Variants in CNTN5 observed in about 807,000 individuals in gnomAD.
CNTN5 encodes the protein contactin-5.
CNTN5 carries 77 observed loss-of-function variants against 129.1 expected under a neutral mutation model. That is an observed-to-expected ratio of 0.60 (90% CI 0.50 to 0.72). CNTN5 has a LOEUF of 0.72. Among genes scored for constraint, CNTN5 ranks in the 30% least tolerant of loss-of-function variants. The pLI, the probability that CNTN5 is intolerant of heterozygous loss-of-function variation, is 0.00. For missense variants in CNTN5, 1,478 were observed against 1,328.8 expected (o/e 1.11, Z -1.75); for synonymous variants, 509 against 465.6 (o/e 1.09, Z -1.20).
intron 9 of CNTN5, among the ~76,000 whole-genome samples, chr11:100,018,570 C>G (rs1314416268): frequency 6.6e-6 from 1 of 151,866 alleles, no homozygotes. Context: ...CATCTGTGCA[C>G]CTGTTGATAG....
chr11:99,338,984 T>TAA (rs1316682623), intron 2 of CNTN5, among the ~76,000 whole-genome samples: 2 of 134,262 alleles, frequency 1.5e-5, no homozygotes, highest in Non-Finnish European at 1.6e-5. Context: ...TGTGTGTGTA[T>TAA]ATATATATAT....
chr11:100,064,184 CAGTATTCATGT>C (rs1283708504), intron 10 of CNTN5, among the ~76,000 whole-genome samples: 1 of 152,134 alleles, frequency 6.6e-6, no homozygotes, highest in Admixed American at 6.6e-5. Flanking sequence ...TCCAAACAGT[CAGTATTCATGT>C]AGTACTGAAA....
intron 6 of CNTN5, among the ~76,000 whole-genome samples, chr11:99,902,618 G>T (rs1264693305): frequency 1.3e-5 from 2 of 152,042 alleles, no homozygotes; most frequent in African/African-American, 4.8e-5. Context: ...AGTACATTGG[G>T]CTGATGCTTC....
intron 2 of CNTN5, among the ~76,000 whole-genome samples, chr11:99,407,737 T>G (rs72989808): frequency 6.6e-6 from 1 of 152,310 alleles, no homozygotes; most frequent in Non-Finnish European, 1.5e-5. Flanking sequence ...ATTCAAGTTC[T>G]GACTGTTAGA....
chr11:100,354,500 A>G (rs1952482974), intron 24 of CNTN5, among the ~76,000 whole-genome samples: 2 of 151,790 alleles, frequency 1.3e-5, no homozygotes, highest in South Asian at 2.1e-4. Flanking sequence ...TTGGCATGAG[A>G]ACCTAGAATT....
intron 1 of CNTN5, among the ~76,000 whole-genome samples, chr11:99,262,741 C>T (rs1323151615): frequency 4.0e-5 from 6 of 151,282 alleles, no homozygotes; most frequent in Non-Finnish European, 5.9e-5. Flanking sequence ...TTTTTAAGGG[C>T]CCCTCTTAAT....
intron 18 of CNTN5, among the ~76,000 whole-genome samples, chr11:100,275,647 C>A (rs755227328): frequency 3.9e-5 from 6 of 152,182 alleles, no homozygotes; most frequent in Non-Finnish European, 8.8e-5. Flanking sequence ...AAAAGAATTT[C>A]TATTTCTGCA....
chr11:100,161,869 ACAC>A (rs1947463477), intron 13 of CNTN5, among the ~76,000 whole-genome samples: 1 of 148,052 alleles, frequency 6.8e-6, no homozygotes, highest in African/African-American at 2.5e-5. Flanking sequence ...ACACACACAC[ACAC>A]AAAACAAAAA....
chr11:99,272,553 A>T (rs1863225497), intron 1 of CNTN5, among the ~76,000 whole-genome samples: 1 of 151,702 alleles, frequency 6.6e-6, no homozygotes, highest in Admixed American at 6.6e-5. Flanking sequence ...AAAAATAATT[A>T]TTTTTACTTA....
At chr11:100,063,015 T>A (rs1183098893) in intron 10 of CNTN5, among the ~76,000 whole-genome samples, 1 of 152,128 alleles carries the variant, frequency 6.6e-6, no homozygotes, top group East Asian at 1.9e-4. Context: ...GAACCGGAAC[T>A]TTACTACTGA....
chr11:99,408,448 G>GAAAGAAAGAAAGAAAGAAAGAGAC, intron 2 of CNTN5, among the ~76,000 whole-genome samples: 1 of 78,132 alleles, frequency 1.3e-5, no homozygotes, highest in Admixed American at 1.4e-4. Flanking sequence ...AAGAAAGAAA[G>GAAAGAAAGAAAGAAAGAAAGAGAC]AGAAAGAAAG....
chr11:99,380,050 C>T (rs1285765619), intron 2 of CNTN5, among the ~76,000 whole-genome samples: 3 of 150,930 alleles, frequency 2.0e-5, no homozygotes, highest in East Asian at 1.9e-4. Context: ...CAACAAATCC[C>T]GTATACAATG....
At chr11:99,119,662 A>T (rs893781471) in intron 1 of CNTN5, among the ~76,000 whole-genome samples, 2 of 152,074 alleles carry the variant, frequency 1.3e-5, no homozygotes, top group Non-Finnish European at 2.9e-5. Context: ...CAGTTATGGG[A>T]TTGCTAGATC....
At chr11:99,435,839 G>T (rs981656943) in intron 2 of CNTN5, among the ~76,000 whole-genome samples, 1 of 152,124 alleles carries the variant, frequency 6.6e-6, no homozygotes, top group African/African-American at 2.4e-5. Flanking sequence ...TTGTGGCATG[G>T]CCATGTAGGC....
At chr11:99,552,137 A>T (rs1367040230) in intron 2 of CNTN5, among the ~76,000 whole-genome samples, 1 of 151,098 alleles carries the variant, frequency 6.6e-6, no homozygotes, top group Non-Finnish European at 1.5e-5. Context: ...CAAACTCCTG[A>T]CCTCAAGTGA....
intron 3 of CNTN5, among the ~76,000 whole-genome samples, chr11:99,693,889 A>C (rs1954146571): frequency 1.3e-5 from 2 of 152,128 alleles, no homozygotes; most frequent in Non-Finnish European, 2.9e-5. Flanking sequence ...AAGGAGATAG[A>C]AACATAAATA....
chr11:99,971,886 C>T (rs1196089222), intron 8 of CNTN5, among the ~76,000 whole-genome samples: 1 of 150,448 alleles, frequency 6.6e-6, no homozygotes, highest in East Asian at 1.9e-4. Context: ...TTATATCTAG[C>T]AGGCCAGCAC....
At chr11:99,880,626 T>C (rs1028406666) in intron 6 of CNTN5, among the ~76,000 whole-genome samples, 1 of 152,200 alleles carries the variant, frequency 6.6e-6, no homozygotes, top group Admixed American at 6.5e-5. Flanking sequence ...ATTGAAGGTG[T>C]ATAAAAAATC....
At chr11:99,707,010 A>G (rs1470824012) in intron 3 of CNTN5, among the ~76,000 whole-genome samples, 1 of 151,402 alleles carries the variant, frequency 6.6e-6, no homozygotes, top group Non-Finnish European at 1.5e-5. Context: ...TCACAGAGCC[A>G]GGATTATTAA....
Sources: allele counts gnomAD v4.1 joint callset (sites outside exome capture counted in the v4.1 genomes callset), GRCh38; gene constraint gnomAD v4.1.1; transcripts MANE v1.5; gene names NCBI Gene and HGNC (gene_info 2026-07-23, HGNC 2026-07-21).